Variants in PITPNC1 observed in about 807,000 individuals in gnomAD.
The protein encoded by PITPNC1 is phosphatidylinositol transfer protein cytoplasmic 1.
Under a neutral mutation model 44.7 loss-of-function variants are expected in PITPNC1, and 18 were observed. The ratio of observed to expected loss-of-function variants is 0.40; its 90% CI spans 0.28 to 0.60. The LOEUF is 0.60. PITPNC1 is among the 20% of genes least tolerant of loss of function. PITPNC1 has a pLI of 0.39. For synonymous variants in PITPNC1, 141 were observed against 149.6 expected (o/e 0.94, Z 0.42); for missense variants, 290 against 418.4 (o/e 0.69, Z 2.68).
At position 67,597,187 on chromosome 17, in the gene PITPNC1, C is replaced by T. The variant is rs1027599704; in HGVS notation, c.366+18930C>T. Among the ~76,000 whole-genome samples, 9 of 152,134 alleles carry T rather than the reference C, an allele frequency of 5.9e-5. No homozygotes were observed. The highest frequency in any genetic ancestry group is 7.3e-5 in the Non-Finnish European group (5 of 68,036). On this transcript the variant is annotated intron_variant, in intron 5 of 8. Coordinates refer to ENST00000581322, the MANE Select transcript of PITPNC1 (RefSeq NM_012417.4). The surrounding 1 kb of genome is among the most constrained non-coding windows in gnomAD (Gnocchi z 4.0). ...GGGATTATAGGCATGAGCCACCATG[C>T]CTGGCCCCAAATAATTTATATAAGC...
intron 1 of PITPNC1, among the ~76,000 whole-genome samples, chr17:67,466,205 T>TG (rs796395546): frequency 0.41 from 11,424 of 27,652 alleles, 1,540 homozygotes; most frequent in African/African-American, 0.5. Flanking sequence ...GGTGGGGGGG[T>TG]GGGGGGGGGC....
At chr17:67,502,130 A>G (rs762354105) in intron 1 of PITPNC1, among the ~76,000 whole-genome samples, 1 of 150,866 alleles carries the variant, frequency 6.6e-6, no homozygotes, top group Non-Finnish European at 1.5e-5. Flanking sequence ...CTCTGAAGAC[A>G]TCGTGTGGAC....
At chr17:67,400,653 T>C (rs887914810) in intron 1 of PITPNC1, among the ~76,000 whole-genome samples, 1 of 152,122 alleles carries the variant, frequency 6.6e-6, no homozygotes, top group Non-Finnish European at 1.5e-5. Context: ...CTTTCCTTAT[T>C]TTTTGTAACC....
At chr17:67,503,336 C>G (rs2040060446) in intron 1 of PITPNC1, among the ~76,000 whole-genome samples, 1 of 151,960 alleles carries the variant, frequency 6.6e-6, no homozygotes, top group Admixed American at 6.6e-5. Context: ...ACTTAATGAC[C>G]ACTTTGTCTC....
chr17:67,564,545 T>C (rs1445446015), intron 4 of PITPNC1, among the ~76,000 whole-genome samples: 2 of 152,104 alleles, frequency 1.3e-5, no homozygotes, highest in East Asian at 3.9e-4. Context: ...GCATACCAAC[T>C]CACATGACAG....
At chr17:67,543,682 CT>C (rs757360583) in intron 2 of PITPNC1, among the ~76,000 whole-genome samples, 3 of 152,092 alleles carry the variant, frequency 2.0e-5, no homozygotes, top group Non-Finnish European at 4.4e-5. Flanking sequence ...GCCATTTATC[CT>C]TTTAATACAT....
chr17:67,592,560 G>A (rs539320172), intron 5 of PITPNC1, among the ~76,000 whole-genome samples: 12 of 152,160 alleles, frequency 7.9e-5, no homozygotes, highest in Admixed American at 2.0e-4. Flanking sequence ...ACAAGGAGGC[G>A]AAGTTCATCA....
chr17:67,690,483 G>A lies in PITPNC1; in HGVS notation c.683-2089G>A, dbSNP rs2042904076. On this transcript the variant is annotated intron_variant, in intron 8 of 8. Transcript: ENST00000581322. Reference sequence around the variant, plus strand: ...AAAAAAGAAAAAGAAAAGTCCTAAGGATTAATACTGTGTTATGAATATTCA... The same window carrying A: ...AAAAAAGAAAAAGAAAAGTCCTAAGAATTAATACTGTGTTATGAATATTCA... Among the ~76,000 whole-genome samples the A allele has an allele frequency of 2.6e-5, 4 of 151,234 alleles. No homozygotes were observed. In the South Asian group the frequency reaches 8.3e-4, roughly 32 times the overall value.
chr17:67,464,938 T>A (rs1489871030), intron 1 of PITPNC1, among the ~76,000 whole-genome samples: 1 of 152,186 alleles, frequency 6.6e-6, no homozygotes. Context: ...GGGGTTTCAC[T>A]ATGTTGGCCA....
At chr17:67,444,262 G>A (rs1268033997) in intron 1 of PITPNC1, among the ~76,000 whole-genome samples, 1 of 152,030 alleles carries the variant, frequency 6.6e-6, no homozygotes, top group East Asian at 1.9e-4. Flanking sequence ...CATGAACCTG[G>A]TGGAAAGAAG....
At chr17:67,470,375 T>C (rs1440826097) in intron 1 of PITPNC1, among the ~76,000 whole-genome samples, 1 of 152,256 alleles carries the variant, frequency 6.6e-6, no homozygotes, top group Non-Finnish European at 1.5e-5. Flanking sequence ...TTGTGACTTT[T>C]AGCTGTCAAT....
chr17:67,440,583 G>A (rs1354817386), intron 1 of PITPNC1, among the ~76,000 whole-genome samples: 1 of 151,308 alleles, frequency 6.6e-6, no homozygotes, highest in Non-Finnish European at 1.5e-5. Flanking sequence ...CCAGGCTGGA[G>A]TGCAGTGGTG....
At chr17:67,453,307 A>G (rs2039210223) in intron 1 of PITPNC1, among the ~76,000 whole-genome samples, 1 of 152,162 alleles carries the variant, frequency 6.6e-6, no homozygotes, top group African/African-American at 2.4e-5. Context: ...GAGTGAACTA[A>G]GTTTTACTTT....
chr17:67,517,748 G>C (rs776736224), intron 1 of PITPNC1, among the ~76,000 whole-genome samples: 38 of 152,182 alleles, frequency 2.5e-4, no homozygotes, highest in South Asian at 2.1e-4. Context: ...GCTGGGACTG[G>C]GAGGAGAAGA....
At chr17:67,496,106 A>C (rs1392185584) in intron 1 of PITPNC1, among the ~76,000 whole-genome samples, 1 of 152,200 alleles carries the variant, frequency 6.6e-6, no homozygotes, top group African/African-American at 2.4e-5. Context: ...TTGGAATTAT[A>C]GAGAGTGCTT....
intron 1 of PITPNC1, among the ~76,000 whole-genome samples, chr17:67,501,063 A>T (rs1443323897): frequency 2.0e-5 from 3 of 152,088 alleles, no homozygotes; most frequent in African/African-American, 7.2e-5. Flanking sequence ...TTATTTCTGA[A>T]TGTTGGACAC....
Position 67,537,609 on chromosome 17 carries a change from A to G in PITPNC1, c.197+4659A>G, listed in dbSNP as rs560289813. On this transcript the variant is annotated intron_variant, in intron 2 of 8. Coordinates refer to ENST00000581322, the MANE Select transcript of PITPNC1 (RefSeq NM_012417.4). ...GGACGGGAAATGTTACAAAGTTGGC[A>G]TCAAATCTCAAATCAATCTATAAAT... Among the ~76,000 whole-genome samples the G allele has an allele frequency of 1.5e-4, 23 of 152,326 alleles. No individual in the cohort carries two copies. In the South Asian group the frequency reaches 4.8e-3, roughly 32 times the overall value.
chr17:67,616,088 T>A (rs2041754309), intron 5 of PITPNC1, among the ~76,000 whole-genome samples: 1 of 152,194 alleles, frequency 6.6e-6, no homozygotes, highest in Non-Finnish European at 1.5e-5. Context: ...GCATTTGTGA[T>A]CCTTCCGCAT....
chr17:67,636,218 A>G (rs2042030266), intron 6 of PITPNC1, among the ~76,000 whole-genome samples: 1 of 149,642 alleles, frequency 6.7e-6, no homozygotes, highest in South Asian at 2.1e-4. Flanking sequence ...GAATCACTTG[A>G]ACCCAGGAGG....
Sources: allele counts gnomAD v4.1 joint callset (sites outside exome capture counted in the v4.1 genomes callset), GRCh38; gene constraint gnomAD v4.1.1; non-coding constraint Gnocchi (gnomAD v3.1); transcripts MANE v1.5; gene names NCBI Gene and HGNC (gene_info 2026-07-23, HGNC 2026-07-21).